The following COPZ1 variants were observed in gnomAD, a reference collection of about 807,000 sequenced individuals.
COPZ1 encodes the protein coat protein complex I subunit zeta 1, also known as coatomer subunit zeta-1.
Under a neutral mutation model 31.7 loss-of-function variants are expected in COPZ1, and 4 were observed. That is an observed-to-expected ratio of 0.13 (90% CI 0.06 to 0.29). The LOEUF is 0.29. Ranked by LOEUF, COPZ1 falls within the 10% of genes least tolerant of loss-of-function variation. The pLI is 1.00. For missense variants in COPZ1, 156 were observed against 211.5 expected (o/e 0.74, Z 1.63); for synonymous variants, 74 against 79.0 (o/e 0.94, Z 0.33).
chr12:54,343,768 C>T (rs1954013095), intron 4 of COPZ1, among the ~76,000 whole-genome samples: 1 of 152,158 alleles, frequency 6.6e-6, no homozygotes, highest in African/African-American at 2.4e-5. Context: ...GCAGGAAAAG[C>T]TGTTTGCCTC....
intron 1 of COPZ1, among the ~76,000 whole-genome samples, chr12:54,335,349 C>A (rs1332265311): frequency 1.3e-5 from 2 of 151,710 alleles, no homozygotes; most frequent in Non-Finnish European, 1.5e-5. Flanking sequence ...TTTAATTCAC[C>A]AAGACCCATT....
At position 54,341,995 on chromosome 12, in the gene COPZ1, G is replaced by A. The variant is rs550854588; in HGVS notation, c.88-211G>A. On this transcript the variant is annotated intron_variant, in intron 2 of 8. Coordinates refer to ENST00000262061, the MANE Select transcript of COPZ1 (RefSeq NM_016057.3). Reference sequence around the variant, plus strand: ...GACAGTCTTGGAAATGTGAGGTGGGGTTGCTTATGGCAGGGTCTTTTATTT... The same window carrying A: ...GACAGTCTTGGAAATGTGAGGTGGGATTGCTTATGGCAGGGTCTTTTATTT... Among the ~76,000 whole-genome samples the A allele has an allele frequency of 3.3e-5, 5 of 152,308 alleles. No homozygotes were observed. In the East Asian group the frequency reaches 9.6e-4, roughly 29 times the overall value.
intron 1 of COPZ1, among the ~76,000 whole-genome samples, chr12:54,332,048 G>A (rs1055087697): frequency 6.6e-6 from 1 of 152,186 alleles, no homozygotes; most frequent in Non-Finnish European, 1.5e-5. Flanking sequence ...CAGCAAGGCC[G>A]GGCGCGGTGG....
chr12:54,327,272 C>T (rs1431023250), intron 1 of COPZ1, among the ~76,000 whole-genome samples: 1 of 149,174 alleles, frequency 6.7e-6, no homozygotes, highest in Non-Finnish European at 1.5e-5. Context: ...AGGTGTGAGT[C>T]ACTGCACCCC....
intron 1 of COPZ1, among the ~76,000 whole-genome samples, chr12:54,332,229 G>A (rs1391947880): frequency 6.6e-6 from 1 of 152,138 alleles, no homozygotes; most frequent in Non-Finnish European, 1.5e-5. Flanking sequence ...GGCTGAGGCA[G>A]GAGAATGGCG....
rs536007221 is a variant in COPZ1 at position 54,337,101 on chromosome 12, T to G, written c.19-3446T>G. 2.1e-4 allele frequency: 106 copies of G among 495,144 alleles called. 1 individual carries two copies. Among genetic ancestry groups the G allele is most frequent in the South Asian group, 1.6e-3 (101 of 63,774 alleles). The allele number at this position is 495,144 out of a possible 1,614,324, so 30.7% of individuals were successfully genotyped here. A position where few individuals can be genotyped will look rare whatever the true frequency, so the allele number is the denominator to read the frequency against. On this transcript the variant is annotated intron_variant, in intron 1 of 8. Coordinates refer to ENST00000262061, the MANE Select transcript of COPZ1 (RefSeq NM_016057.3). The stretch of plus-strand genomic sequence containing the variant: ...CAGCCTAGTTGCTTGTTCTGTGGTG[T>G]TTCACCTGTCTTGAGGACAGCATTC...
chr12:54,330,390 A>G (rs925448137), intron 1 of COPZ1, among the ~76,000 whole-genome samples: 1 of 152,176 alleles, frequency 6.6e-6, no homozygotes, highest in African/African-American at 2.4e-5. Context: ...CCAAAGAGCA[A>G]TTGACGCTGC....
chr12:54,343,744 C>A (rs1300812742), intron 4 of COPZ1, among the ~76,000 whole-genome samples: 2 of 152,146 alleles, frequency 1.3e-5, no homozygotes, highest in African/African-American at 2.4e-5. Flanking sequence ...ATAGTCCTAA[C>A]CTGCTTCCTA....
chr12:54,326,640 GGTGTGTGTGTGTGTGTGTGT>G (rs71070816), intron 1 of COPZ1, among the ~76,000 whole-genome samples: 3 of 134,592 alleles, frequency 2.2e-5, no homozygotes, highest in Middle Eastern at 3.6e-3. Flanking sequence ...GATTTGGAGG[GGTGTGTGTGTGTGTGTGTGT>G]GTGTGTGTGT....
At chr12:54,339,968 G>A (rs1222353453) in intron 1 of COPZ1, among the ~76,000 whole-genome samples, 2 of 142,922 alleles carry the variant, frequency 1.4e-5, no homozygotes, top group African/African-American at 5.4e-5. Flanking sequence ...ATTGAGAACT[G>A]GTGTGCCTGT....
At position 54,328,670 on chromosome 12, in the gene COPZ1, C is replaced by A. The variant is rs150589231; in HGVS notation, c.18+3489C>A. Among the ~76,000 whole-genome samples the A allele has an allele frequency of 6.3e-4, 96 of 152,336 alleles. No homozygotes were observed. In the East Asian group the frequency reaches 0.016, roughly 26 times the overall value. ...TGTTTCAGCCTGCTTCTTCCTTATT[C>A]TTTTGCTTTAATCTATGCCTAATAG... On this transcript the variant is annotated intron_variant, in intron 1 of 8. Transcript: ENST00000262061.
intron 1 of COPZ1, among the ~76,000 whole-genome samples, chr12:54,326,063 C>T (rs1485814519): frequency 1.3e-5 from 2 of 150,634 alleles, no homozygotes; most frequent in African/African-American, 4.9e-5. Flanking sequence ...TCAAGTGATC[C>T]GCCCGCCTCG....
At chr12:54,331,173 C>CTTTTTTTTTT (rs1000222358) in intron 1 of COPZ1, among the ~76,000 whole-genome samples, 1 of 80,270 alleles carries the variant, frequency 1.2e-5, no homozygotes, top group South Asian at 4.4e-4. Flanking sequence ...TTTTCACACT[C>CTTTTTTTTTT]TTTTTTTTTT....
chr12:54,328,507 G>C (rs1180115831), intron 1 of COPZ1, among the ~76,000 whole-genome samples: 2 of 151,242 alleles, frequency 1.3e-5, no homozygotes, highest in Non-Finnish European at 3.0e-5. Context: ...CAGAGGTCGC[G>C]GTGAGCCGAG....
intron 3 of COPZ1, chr12:54,342,543 G>T (rs1953988757): frequency 9.9e-6 from 5 of 505,112 alleles, no homozygotes; most frequent in Non-Finnish European, 1.8e-5. Flanking sequence ...AAATTTAATT[G>T]CAGCTCTGCT....
chr12:54,331,401 G>A (rs1953752330), intron 1 of COPZ1, among the ~76,000 whole-genome samples: 1 of 151,936 alleles, frequency 6.6e-6, no homozygotes, highest in Admixed American at 6.6e-5. Flanking sequence ...AGCTGGCCTC[G>A]AACTCCTGAC....
At position 54,350,609 on chromosome 12, in the gene COPZ1, C is replaced by T. The variant is rs1293418502; in HGVS notation, c.*86C>T. On this transcript the variant is annotated 3_prime_UTR_variant, in exon 9 of 9. Coordinates refer to ENST00000262061, the MANE Select transcript of COPZ1 (RefSeq NM_016057.3). Reference sequence around the variant, plus strand: ...TTCATCTAGTTCCCCAATCGATGCTCTCAGGGTCATCTCGGGGATCACAGG... The same window carrying T: ...TTCATCTAGTTCCCCAATCGATGCTTTCAGGGTCATCTCGGGGATCACAGG... 13 of 1,086,782 alleles carry T rather than the reference C, an allele frequency of 1.2e-5. No homozygotes were observed. The highest frequency in any genetic ancestry group is 5.1e-5 in the Admixed American group (3 of 59,186). 67.3% of individuals were successfully genotyped at this position (1,086,782 alleles called of 1,614,324 possible).
At chr12:54,345,345 G>T in intron 4 of COPZ1, 115 bp from the exon 5 acceptor site, 4 of 676,012 alleles carry the variant, frequency 5.9e-6, no homozygotes, top group South Asian at 3.9e-5. Context: ...TATGTTTTTG[G>T]TCCTTTGTGA....
chr12:54,346,955 A>G (rs1954074416), intron 5 of COPZ1, among the ~76,000 whole-genome samples: 1 of 152,024 alleles, frequency 6.6e-6, no homozygotes, highest in African/African-American at 2.4e-5. Flanking sequence ...ACCCGTGTAG[A>G]TGGGTAATAG....
Sources: allele counts gnomAD v4.1 joint callset (sites outside exome capture counted in the v4.1 genomes callset), GRCh38; gene constraint gnomAD v4.1.1; transcripts MANE v1.5; gene names NCBI Gene and HGNC (gene_info 2026-07-23, HGNC 2026-07-21).